Variants in WDR7 observed in about 807,000 individuals in gnomAD.
WDR7 encodes WD repeat-containing protein 7.
Under a neutral mutation model 169.4 loss-of-function variants are expected in WDR7, and 46 were observed. The observed-to-expected ratio is 0.27, with a 90% CI of 0.21 to 0.35. WDR7 has a LOEUF of 0.35. Among genes scored for constraint, WDR7 ranks in the 10% least tolerant of loss-of-function variants. The probability of loss-of-function intolerance (pLI) is 1.00; values close to 1 mark genes in which losing one functional copy is unlikely to be tolerated. For missense variants in WDR7, 1,534 were observed against 1,859.3 expected (o/e 0.83, Z 3.22); for synonymous variants, 612 against 666.8 (o/e 0.92, Z 1.27).
intron 2 of WDR7, among the ~76,000 whole-genome samples, chr18:56,674,091 T>C (rs1018679605): frequency 6.6e-6 from 1 of 152,244 alleles, no homozygotes; most frequent in African/African-American, 2.4e-5. Flanking sequence ...ATTACACATT[T>C]GTGTATGAGT....
intron 26 of WDR7, among the ~76,000 whole-genome samples, chr18:56,975,467 A>G (rs2047552528): frequency 6.6e-6 from 1 of 152,108 alleles, no homozygotes. Flanking sequence ...GACAAGCCTA[A>G]TGGTTAGGAG....
intron 20 of WDR7, among the ~76,000 whole-genome samples, chr18:56,856,481 C>G (rs184433935): frequency 6.6e-6 from 1 of 152,174 alleles, no homozygotes; most frequent in Non-Finnish European, 1.5e-5. Context: ...TTGCAGTGAG[C>G]TGAGATTGCG....
chr18:56,791,139 G>GTT (rs143555338), intron 19 of WDR7, among the ~76,000 whole-genome samples: 2,075 of 151,984 alleles, frequency 0.014, 47 homozygotes, highest in African/African-American at 0.048. Flanking sequence ...TAATCACAGG[G>GTT]TTTTTGTGTG....
Position 56,939,221 on chromosome 18 carries a change from C to T in WDR7, c.3982-90C>T, listed in dbSNP as rs28595099. On this transcript the variant is annotated intron_variant, in intron 24 of 27. Coordinates refer to ENST00000254442, the MANE Select transcript of WDR7 (RefSeq NM_015285.3). ...ACTAAAATAAAGCTATATAGACTTT[C>T]TATGGGCAAATGAGGCCTAAATTAA... The T allele has an allele frequency of 0.033, 30,467 of 935,642 alleles. 5,133 individuals are homozygous for T. The African/African-American group carries it at 0.41, about 13-fold the overall frequency. 58.0% of individuals were successfully genotyped at this position (935,642 alleles called of 1,614,324 possible). A position where few individuals can be genotyped will look rare whatever the true frequency, so the allele number is the denominator to read the frequency against.
chr18:56,865,385 A>G (rs932054019), intron 20 of WDR7, among the ~76,000 whole-genome samples: 4 of 152,148 alleles, frequency 2.6e-5, no homozygotes, highest in Non-Finnish European at 5.9e-5. Context: ...TCGGCTTAGA[A>G]TAGCACTAGT....
At chr18:57,005,077 C>G (rs1253225365) in intron 26 of WDR7, among the ~76,000 whole-genome samples, 1 of 152,168 alleles carries the variant, frequency 6.6e-6, no homozygotes. Flanking sequence ...AATTAAAAAT[C>G]TGTATTTTAT....
intron 25 of WDR7, among the ~76,000 whole-genome samples, chr18:56,956,578 G>A (rs2047253610): frequency 6.6e-6 from 1 of 152,254 alleles, no homozygotes. Flanking sequence ...GTAGTTGGTT[G>A]TCACTGGTAC....
chr18:56,842,781 CTT>C (rs933714741), intron 20 of WDR7, among the ~76,000 whole-genome samples: 1 of 152,078 alleles, frequency 6.6e-6, no homozygotes, highest in African/African-American at 2.4e-5. Flanking sequence ...TTTAGAAAAA[CTT>C]TATTTGAAGA....
intron 27 of WDR7, among the ~76,000 whole-genome samples, chr18:57,024,630 A>G (rs1008441683): frequency 1.8e-4 from 24 of 134,718 alleles, no homozygotes; most frequent in South Asian, 1.4e-3. Flanking sequence ...GTGAGCTATG[A>G]TAGTTATGTC....
intron 19 of WDR7, among the ~76,000 whole-genome samples, chr18:56,792,048 C>G (rs1051226221): frequency 6.6e-6 from 1 of 151,866 alleles, no homozygotes; most frequent in South Asian, 2.1e-4. Flanking sequence ...GATAGGGCCT[C>G]GCTCTGTCAC....
chr18:56,878,460 G>A (rs2046059434), intron 20 of WDR7, among the ~76,000 whole-genome samples: 2 of 151,750 alleles, frequency 1.3e-5, no homozygotes, highest in South Asian at 4.2e-4. Flanking sequence ...TTATTTTCAT[G>A]CTTGTTATTT....
chr18:57,031,726 T>G (rs1260773444), downstream of WDR7: 2 of 152,262 alleles, frequency 1.3e-5, no homozygotes, highest in Non-Finnish European at 2.9e-5. Flanking sequence ...TCCTCAATAT[T>G]CTGAGATTTC....
intron 20 of WDR7, among the ~76,000 whole-genome samples, chr18:56,819,982 A>G (rs1216769513): frequency 1.3e-5 from 2 of 152,088 alleles, no homozygotes; most frequent in African/African-American, 4.8e-5. Context: ...TAATGGAGTA[A>G]ATCTCACTAA....
At chr18:56,982,005 G>GAA (rs11415396) in intron 26 of WDR7, among the ~76,000 whole-genome samples, 1 of 151,986 alleles carries the variant, frequency 6.6e-6, no homozygotes, top group South Asian at 2.1e-4. Context: ...GATATGCCAT[G>GAA]AAAAAAATAC....
At chr18:56,760,481 TTA>T (rs2043964893) in intron 16 of WDR7, among the ~76,000 whole-genome samples, 1 of 152,222 alleles carries the variant, frequency 6.6e-6, no homozygotes, top group South Asian at 2.1e-4. Flanking sequence ...TTTGTGACAT[TTA>T]TCAGTGTTGT....
In WDR7 at chr18:56,757,140, G is replaced by A. The variant is rs368895825; in HGVS notation, c.2547G>A (p.Pro849=). 69 of 1,613,948 alleles carry A rather than the reference G, an allele frequency of 4.3e-5. No homozygotes were observed. The highest frequency in any genetic ancestry group is 1.7e-5 in the Admixed American group (1 of 59,986). ...SRGGHMSLML[P]GYNQPACKLS... ...GAGGCCATATGTCACTGATGCTGCC[G>A]GGTTATAATCAGCCTGCTTGTAAAC... Residue 849 remains proline (P), a synonymous_variant, in exon 15 of 28, where the codon CCG becomes CCA. Coordinates refer to ENST00000254442, the MANE Select transcript of WDR7 (RefSeq NM_015285.3).
At chr18:56,989,671 AT>A (rs1414123790) in intron 26 of WDR7, among the ~76,000 whole-genome samples, 1 of 152,276 alleles carries the variant, frequency 6.6e-6, no homozygotes, top group Admixed American at 6.5e-5. Flanking sequence ...TTTGGTGCTT[AT>A]TTTTTAAATA....
At chr18:56,944,581 T>A (rs918608579) in intron 25 of WDR7, among the ~76,000 whole-genome samples, 4 of 152,190 alleles carry the variant, frequency 2.6e-5, no homozygotes, top group Admixed American at 6.5e-5. Context: ...AAACTGTGAA[T>A]CCATTGAAAG....
At chr18:56,837,463 A>G (rs1438270728) in intron 20 of WDR7, among the ~76,000 whole-genome samples, 5 of 152,222 alleles carry the variant, frequency 3.3e-5, no homozygotes, top group African/African-American at 1.2e-4. Context: ...AAAATTTTAA[A>G]CAGGTTTTAT....
Sources: allele counts gnomAD v4.1 joint callset (sites outside exome capture counted in the v4.1 genomes callset), GRCh38; gene constraint gnomAD v4.1.1; transcripts MANE v1.5; gene names NCBI Gene and HGNC (gene_info 2026-07-23, HGNC 2026-07-21).